The following ZNF804A variants were observed in gnomAD, a reference collection of about 807,000 sequenced individuals.
ZNF804A encodes zinc finger protein 804A.
Under a neutral mutation model 16.5 loss-of-function variants are expected in ZNF804A, and 2 were observed. The observed-to-expected ratio is 0.12, with a 90% CI of 0.05 to 0.38. ZNF804A has a LOEUF of 0.38. Ranked by LOEUF, ZNF804A falls within the 10% of genes least tolerant of loss-of-function variation. The pLI is 0.99. For synonymous variants in ZNF804A, 534 were observed against 489.6 expected, an observed-to-expected ratio of 1.09 and a Z score of -1.20; for missense variants, 1,473 against 1,390.7, an observed-to-expected ratio of 1.06 and a Z score of -0.94.
At chr2:184,854,620 A>G (rs1274250162) in intron 1 of ZNF804A, among the ~76,000 whole-genome samples, 1 of 152,068 alleles carries the variant, frequency 6.6e-6, no homozygotes, top group East Asian at 1.9e-4. Context: ...CTGAACAATA[A>G]TGTGTGTAAT....
At chr2:184,872,645 A>G (rs1257125813) in intron 2 of ZNF804A, among the ~76,000 whole-genome samples, 2 of 152,202 alleles carry the variant, frequency 1.3e-5, no homozygotes, top group Non-Finnish European at 2.9e-5. Context: ...TCACATATAC[A>G]TATAAAAATA....
At chr2:184,851,600 A>G (rs538770264) in intron 1 of ZNF804A, among the ~76,000 whole-genome samples, 2 of 152,070 alleles carry the variant, frequency 1.3e-5, no homozygotes, top group South Asian at 4.1e-4. Flanking sequence ...ATGGAGGTTT[A>G]GGCTGATTCC....
In ZNF804A at chr2:184,850,817, T is replaced by A. The variant is rs367643238; in HGVS notation, c.112-15552T>A. Among the ~76,000 whole-genome samples the A allele has an allele frequency of 4.6e-5, 7 of 151,948 alleles. No homozygotes were observed. In the East Asian group the frequency reaches 9.6e-4, roughly 21 times the overall value. ...ATTAACAGTTCCCAATCTATTTATA[T>A]CTTTGCAATTTTAACTTATTTAAAT... On this transcript the variant is annotated intron_variant, in intron 1 of 3. Coordinates refer to ENST00000302277, the MANE Select transcript of ZNF804A (RefSeq NM_194250.2).
chr2:184,915,269 G>T (rs1262746977), intron 2 of ZNF804A, among the ~76,000 whole-genome samples: 1 of 151,752 alleles, frequency 6.6e-6, no homozygotes, highest in Non-Finnish European at 1.5e-5. Flanking sequence ...AAAAATATTT[G>T]CATTTAAAAA....
intron 2 of ZNF804A, among the ~76,000 whole-genome samples, chr2:184,886,757 C>T (rs1684897727): frequency 6.6e-6 from 1 of 152,244 alleles, no homozygotes. Context: ...TCAGCCATGG[C>T]TGGAGCAGCT....
chr2:184,835,148 G>A (rs991022892), intron 1 of ZNF804A, among the ~76,000 whole-genome samples: 6 of 152,090 alleles, frequency 3.9e-5, no homozygotes, highest in African/African-American at 1.4e-4. Flanking sequence ...CCCAAAATTG[G>A]GGTTTGTACT....
At chr2:184,682,758 A>C (rs951140910) in intron 1 of ZNF804A, among the ~76,000 whole-genome samples, 5 of 152,184 alleles carry the variant, frequency 3.3e-5, no homozygotes, top group African/African-American at 1.2e-4. Flanking sequence ...TAATGTAATT[A>C]AACTTTGGAA....
chr2:184,599,954 G>C (rs1691020471), intron 1 of ZNF804A, among the ~76,000 whole-genome samples: 1 of 152,104 alleles, frequency 6.6e-6, no homozygotes, highest in Non-Finnish European at 1.5e-5. Flanking sequence ...CCTCCATAAA[G>C]TAAAAAAGGA....
chr2:184,713,486 G>C (rs1311367354), intron 1 of ZNF804A, among the ~76,000 whole-genome samples: 2 of 151,854 alleles, frequency 1.3e-5, no homozygotes, highest in Non-Finnish European at 2.9e-5. Context: ...TTCCATGAGT[G>C]ATAATAGGTT....
chr2:184,807,238 G>A (rs1694821817), intron 1 of ZNF804A, among the ~76,000 whole-genome samples: 1 of 151,872 alleles, frequency 6.6e-6, no homozygotes, highest in Admixed American at 6.6e-5. Context: ...GCAAAGCCTA[G>A]TGTCAACTTG....
rs181011887 is a variant in ZNF804A, at chr2:184,749,385, A to T, written c.112-116984A>T. ...TGATTTGGCCTTCAGCTTGGATGTT[A>T]TTGGTGTAGAGCAATGCTCCTGATA... On this transcript the variant is annotated intron_variant, in intron 1 of 3. Coordinates refer to ENST00000302277, the MANE Select transcript of ZNF804A (RefSeq NM_194250.2). Among the ~76,000 whole-genome samples the T allele has an allele frequency of 2.6e-5, 4 of 151,272 alleles. No individual in the cohort carries two copies. The East Asian group carries it at 7.8e-4, about 29-fold the overall frequency.
chr2:184,704,385 CA>C (rs1692985160), intron 1 of ZNF804A, among the ~76,000 whole-genome samples: 1 of 152,062 alleles, frequency 6.6e-6, no homozygotes, highest in African/African-American at 2.4e-5. Flanking sequence ...CTCCCAACCT[CA>C]GATGATCCAC....
At chr2:184,624,185 T>C (rs1691461259) in intron 1 of ZNF804A, among the ~76,000 whole-genome samples, 1 of 152,072 alleles carries the variant, frequency 6.6e-6, no homozygotes, top group South Asian at 2.1e-4. Context: ...GTAATGTTGA[T>C]AAAAAATACT....
intron 1 of ZNF804A, among the ~76,000 whole-genome samples, chr2:184,722,078 G>A (rs2105742848): frequency 6.6e-6 from 1 of 152,078 alleles, no homozygotes; most frequent in East Asian, 1.9e-4. Flanking sequence ...ACTACACTCT[G>A]AGAAGAGTGT....
chr2:184,678,627 T>C (rs1204976407), intron 1 of ZNF804A, among the ~76,000 whole-genome samples: 1 of 152,160 alleles, frequency 6.6e-6, no homozygotes, highest in African/African-American at 2.4e-5. Flanking sequence ...GAAAAGCATT[T>C]GCATTGCTTT....
chr2:184,795,959 T>A (rs961019930), intron 1 of ZNF804A, among the ~76,000 whole-genome samples: 3 of 152,220 alleles, frequency 2.0e-5, no homozygotes, highest in Middle Eastern at 3.4e-3. Flanking sequence ...GCTTTTTTTT[T>A]ACATCTATTG....
chr2:184,790,600 T>TTTTA (rs1302209234), intron 1 of ZNF804A, among the ~76,000 whole-genome samples: 2 of 151,890 alleles, frequency 1.3e-5, no homozygotes, highest in Non-Finnish European at 2.9e-5. Flanking sequence ...ATTATTTATT[T>TTTTA]TTTATTTATT....
chr2:184,731,034 G>C (rs1209239182), intron 1 of ZNF804A, among the ~76,000 whole-genome samples: 6 of 151,756 alleles, frequency 4.0e-5, no homozygotes. Context: ...CCTGAGGTCA[G>C]GAGTTCGAGA....
intron 1 of ZNF804A, among the ~76,000 whole-genome samples, chr2:184,739,520 A>G (rs1693681738): frequency 6.6e-6 from 1 of 152,036 alleles, no homozygotes; most frequent in Admixed American, 6.5e-5. Context: ...CAGCCTCCTT[A>G]GTAGCTGGGA....
Sources: gnomAD v4.1 joint callset for allele counts (sites outside exome capture counted in the v4.1 genomes callset) on GRCh38, gnomAD v4.1.1 for gene constraint, MANE v1.5 for transcripts, NCBI Gene and HGNC (gene_info 2026-07-23, HGNC 2026-07-21) for gene names.